The following RPS6KC1 variants were observed in gnomAD, a reference collection of about 807,000 sequenced individuals.
RPS6KC1 encodes the protein ribosomal protein S6 kinase C1.
RPS6KC1 carries 54 observed loss-of-function variants against 103.8 expected under a neutral mutation model. The ratio of observed to expected loss-of-function variants is 0.52; its 90% CI spans 0.42 to 0.65. RPS6KC1 has a LOEUF of 0.65. Ranked by LOEUF, RPS6KC1 falls within the 30% of genes least tolerant of loss-of-function variation. The probability of loss-of-function intolerance (pLI) is 0.00; values close to 1 mark genes in which losing one functional copy is unlikely to be tolerated. For missense variants in RPS6KC1, 1,151 were observed against 1,253.8 expected (o/e 0.92, Z 1.24); for synonymous variants, 439 against 438.7 (o/e 1.00, Z -0.01).
At chr1:213,830,139 G>A in the RPS6KC1 span, among the ~76,000 whole-genome samples, 236 of 152,206 alleles carry the variant, frequency 1.6e-3, no homozygotes, top group Non-Finnish European at 3.0e-3. Flanking sequence ...TACAAATTAA[G>A]CCCCAATTAC....
At chr1:213,092,184 C>T (rs2081029346) in intron 3 of RPS6KC1, among the ~76,000 whole-genome samples, 1 of 152,166 alleles carries the variant, frequency 6.6e-6, no homozygotes, top group South Asian at 2.1e-4. Flanking sequence ...GCCTGAAAGG[C>T]CCTGCAGGGA....
the RPS6KC1 span, among the ~76,000 whole-genome samples, chr1:213,296,203 G>T: frequency 3.9e-5 from 6 of 152,160 alleles, no homozygotes; most frequent in African/African-American, 1.4e-4. Flanking sequence ...CATCATGTTT[G>T]TACATGTAAG....
chr1:213,480,048 ATCT>A, the RPS6KC1 span, among the ~76,000 whole-genome samples: 1 of 152,014 alleles, frequency 6.6e-6, no homozygotes, highest in Non-Finnish European at 1.5e-5. Context: ...TCATAGAGGA[ATCT>A]TCTTTGTTCT....
intron 12 of RPS6KC1, among the ~76,000 whole-genome samples, chr1:213,254,535 G>A (rs2149046920): frequency 6.6e-6 from 1 of 152,266 alleles, no homozygotes; most frequent in African/African-American, 2.4e-5. Flanking sequence ...TTATGAGAAA[G>A]GCTCATGAGT....
chr1:213,736,853 A>G, the RPS6KC1 span, among the ~76,000 whole-genome samples: 1 of 152,214 alleles, frequency 6.6e-6, no homozygotes, highest in Non-Finnish European at 1.5e-5. Context: ...CAGATAACAT[A>G]CCTTCTTTAA....
the RPS6KC1 span, among the ~76,000 whole-genome samples, chr1:213,499,217 G>C: frequency 6.6e-6 from 1 of 152,138 alleles, no homozygotes; most frequent in Non-Finnish European, 1.5e-5. Flanking sequence ...CATAAAACAA[G>C]ATACAGAACT....
chr1:213,383,629 C>T, the RPS6KC1 span, among the ~76,000 whole-genome samples: 24 of 152,208 alleles, frequency 1.6e-4, no homozygotes, highest in South Asian at 1.2e-3. Flanking sequence ...ATTTGGAGAC[C>T]GGGCCTCTAA....
chr1:213,221,576 T>C (rs929723504), intron 8 of RPS6KC1, among the ~76,000 whole-genome samples: 2 of 152,210 alleles, frequency 1.3e-5, no homozygotes, highest in African/African-American at 4.8e-5. Context: ...GAAAGAACTT[T>C]CACTGCTGAA....
chr1:213,076,997 G>C (rs527903581), intron 2 of RPS6KC1, among the ~76,000 whole-genome samples: 1 of 152,058 alleles, frequency 6.6e-6, no homozygotes, highest in East Asian at 1.9e-4. Flanking sequence ...AGCCCCCCGA[G>C]TAGCTGGGAT....
At chr1:213,405,955 G>A in the RPS6KC1 span, among the ~76,000 whole-genome samples, 15 of 152,198 alleles carry the variant, frequency 9.9e-5, no homozygotes, top group African/African-American at 3.6e-4. Flanking sequence ...GGAGTCAAGG[G>A]TCACTCCTCA....
the RPS6KC1 span, among the ~76,000 whole-genome samples, chr1:213,518,429 GC>G: frequency 7.2e-5 from 11 of 152,316 alleles, no homozygotes; most frequent in Non-Finnish European, 1.6e-4. Context: ...CAGTGATGCT[GC>G]CACAAGCCAA....
chr1:213,411,802 G>A, the RPS6KC1 span, among the ~76,000 whole-genome samples: 18 of 152,204 alleles, frequency 1.2e-4, no homozygotes, highest in South Asian at 1.5e-3. Context: ...AGTAGGTTGG[G>A]CACAGCTGGG....
intron 7 of RPS6KC1, among the ~76,000 whole-genome samples, chr1:213,169,605 C>T (rs994723281): frequency 6.6e-6 from 1 of 151,566 alleles, no homozygotes; most frequent in Non-Finnish European, 1.5e-5. Flanking sequence ...GATTCAATTC[C>T]CATTTTCCGT....
chr1:213,365,710 A>G, the RPS6KC1 span, among the ~76,000 whole-genome samples: 1 of 152,222 alleles, frequency 6.6e-6, no homozygotes, highest in Admixed American at 6.5e-5. Context: ...GTCTATTATA[A>G]TAGAGAACAT....
the RPS6KC1 span, among the ~76,000 whole-genome samples, chr1:213,451,792 C>G: frequency 6.6e-6 from 1 of 152,168 alleles, no homozygotes; most frequent in Admixed American, 6.5e-5. Context: ...GGGCAAGAAC[C>G]CAGGCCTGGA....
intron 6 of RPS6KC1, among the ~76,000 whole-genome samples, chr1:213,132,451 A>G (rs2149016920): frequency 6.6e-6 from 1 of 152,344 alleles, no homozygotes; most frequent in African/African-American, 2.4e-5. Context: ...CCTCCTGGTT[A>G]CACATTTGAC....
chr1:213,054,343 A>G (rs1318500949), intron 1 of RPS6KC1, among the ~76,000 whole-genome samples: 3 of 152,172 alleles, frequency 2.0e-5, no homozygotes, highest in Admixed American at 2.0e-4. Context: ...TTTATTGCTT[A>G]TGTTACAGAT....
At chr1:213,355,542 A>G in the RPS6KC1 span, among the ~76,000 whole-genome samples, 1 of 152,204 alleles carries the variant, frequency 6.6e-6, no homozygotes, top group African/African-American at 2.4e-5. Context: ...GACACATAGC[A>G]TCTTGCAAAA....
At chr1:213,511,762 A>G in the RPS6KC1 span, among the ~76,000 whole-genome samples, 326 of 152,088 alleles carry the variant, frequency 2.1e-3, 1 homozygote, top group Non-Finnish European at 3.6e-3. Context: ...TTTAAATGTC[A>G]CCTTCTCCAA....
Sources: gnomAD v4.1 joint callset for allele counts (sites outside exome capture counted in the v4.1 genomes callset) on GRCh38, gnomAD v4.1.1 for gene constraint, MANE v1.5 for transcripts, NCBI Gene and HGNC (gene_info 2026-07-23, HGNC 2026-07-21) for gene names.